The following FOXO1 variants were observed in gnomAD, a reference collection of about 807,000 sequenced individuals.
FOXO1 encodes the protein forkhead box O1.
A neutral mutation model predicts 44.1 loss-of-function variants in FOXO1; 6 were observed. The observed-to-expected ratio is 0.14, with a 90% CI of 0.07 to 0.27. The LOEUF is 0.27. FOXO1 is among the 10% of genes least tolerant of loss of function. The probability of loss-of-function intolerance (pLI) is 1.00; values close to 1 mark genes in which losing one functional copy is unlikely to be tolerated. For missense variants in FOXO1, 737 were observed against 888.8 expected, an observed-to-expected ratio of 0.83 and a Z score of 2.17; for synonymous variants, 380 against 362.7, an observed-to-expected ratio of 1.05 and a Z score of -0.54.
intron 1 of FOXO1, among the ~76,000 whole-genome samples, chr13:40,665,049 C>T (rs1878178722): frequency 6.6e-6 from 1 of 151,910 alleles, no homozygotes; most frequent in Admixed American, 6.6e-5. Context: ...GCAGGCCCTG[C>T]ACCGTCCCCG....
At chr13:40,613,999 G>A (rs1876326628) in intron 1 of FOXO1, among the ~76,000 whole-genome samples, 1 of 152,172 alleles carries the variant, frequency 6.6e-6, no homozygotes, top group Admixed American at 6.5e-5. Context: ...TTTAACTACT[G>A]GCAGTTGCCT....
chr13:40,649,879 T>C (rs1011068456), intron 1 of FOXO1, among the ~76,000 whole-genome samples: 7 of 152,088 alleles, frequency 4.6e-5, no homozygotes, highest in Non-Finnish European at 7.4e-5. Flanking sequence ...CACCAAAGAA[T>C]GCAATGGCAC....
chr13:40,593,628 A>G (rs1351760986), intron 1 of FOXO1, among the ~76,000 whole-genome samples: 1 of 152,122 alleles, frequency 6.6e-6, no homozygotes, highest in Non-Finnish European at 1.5e-5. Context: ...ATACCAACCT[A>G]TGGCTTAGTT....
intron 1 of FOXO1, among the ~76,000 whole-genome samples, chr13:40,564,189 T>C (rs1452359329): frequency 1.3e-5 from 2 of 152,140 alleles, no homozygotes; most frequent in African/African-American, 4.8e-5. Flanking sequence ...GGGGGTCATT[T>C]TTAAAAAGAC....
chr13:40,626,520 T>C (rs537117661), intron 1 of FOXO1, among the ~76,000 whole-genome samples: 1 of 152,362 alleles, frequency 6.6e-6, no homozygotes, highest in Middle Eastern at 3.4e-3. Context: ...TTACTAAACA[T>C]GCCTAAATTT....
rs570340177 is a variant in FOXO1 at position 40,559,919 on chromosome 13, G to A, written c.1572C>T (p.His524=). The change falls in exon 2 of 3, where the codon CAC becomes CAT. Residue 524 remains histidine (H), a synonymous_variant. Transcript: ENST00000379561. ...NKMMNPSSHT[H]PGHAQQTSAV... is the part of the protein sequence containing the mutation. ...CAGATGTCTGCTGAGCATGTCCAGG[G>A]TGGGTATGGGAGCTGGGATTCATCA... The A allele has an allele frequency of 1.2e-6, 2 of 1,614,192 alleles. No individual in the cohort carries two copies. The highest frequency in any genetic ancestry group is 2.2e-5 in the East Asian group (1 of 44,878).
At chr13:40,631,384 G>A (rs1019070900) in intron 1 of FOXO1, among the ~76,000 whole-genome samples, 3 of 152,050 alleles carry the variant, frequency 2.0e-5, no homozygotes, top group Non-Finnish European at 4.4e-5. Context: ...AAATCTTTCC[G>A]ATCTTGGATT....
intron 1 of FOXO1, among the ~76,000 whole-genome samples, chr13:40,657,664 G>A (rs1445597009): frequency 2.6e-5 from 4 of 152,044 alleles, no homozygotes; most frequent in Admixed American, 6.6e-5. Context: ...CTGGTTCAAC[G>A]GCCAATACAG....
At chr13:40,601,273 G>T (rs1875806318) in intron 1 of FOXO1, among the ~76,000 whole-genome samples, 1 of 152,108 alleles carries the variant, frequency 6.6e-6, no homozygotes, top group Non-Finnish European at 1.5e-5. Context: ...TTTAACTTTG[G>T]ACTTAAAGGT....
chr13:40,575,483 T>C (rs567830546), intron 1 of FOXO1, among the ~76,000 whole-genome samples: 27 of 152,320 alleles, frequency 1.8e-4, no homozygotes, highest in African/African-American at 6.5e-4. Context: ...GTGTCAGTTA[T>C]TTTTATTGGG....
intron 1 of FOXO1, among the ~76,000 whole-genome samples, chr13:40,638,260 G>C (rs979405343): frequency 6.6e-6 from 1 of 152,040 alleles, no homozygotes; most frequent in Non-Finnish European, 1.5e-5. Context: ...GGATGCACTA[G>C]AAAAACATGT....
chr13:40,665,441 C>T (rs1312846044), intron 1 of FOXO1, 142 bp downstream of exon 1: 9 of 701,590 alleles, frequency 1.3e-5, no homozygotes, highest in Non-Finnish European at 1.8e-5. Flanking sequence ...GCGAGGCCAC[C>T]GCGACCACCG....
At chr13:40,591,883 T>C (rs1246417820) in intron 1 of FOXO1, among the ~76,000 whole-genome samples, 7 of 152,020 alleles carry the variant, frequency 4.6e-5, no homozygotes, top group Admixed American at 4.6e-4. Flanking sequence ...ATTTTTGCAT[T>C]CTTAGTAGAG....
chr13:40,568,611 T>C (rs976873753), intron 1 of FOXO1, among the ~76,000 whole-genome samples: 16 of 152,208 alleles, frequency 1.1e-4, no homozygotes, highest in Admixed American at 3.3e-4. Flanking sequence ...TGTAAATCAA[T>C]GTTAGAAAGT....
chr13:40,594,622 G>A (rs577442607), intron 1 of FOXO1, among the ~76,000 whole-genome samples: 6 of 152,342 alleles, frequency 3.9e-5, no homozygotes, highest in African/African-American at 1.2e-4. Context: ...GAAGGCAGGG[G>A]AGAAGGCGTC....
Position 40,560,998 on chromosome 13 carries a change from G to T in FOXO1, c.631-138C>A. On this transcript the variant is annotated intron_variant, in intron 1 of 2. Coordinates refer to ENST00000379561, the MANE Select transcript of FOXO1 (RefSeq NM_002015.4). This position sits in a 1 kb window ranked among gnomAD's most constrained non-coding sequence, Gnocchi z 5.1. ...GATTTCCATCTGAACAGTCCTAATG[G>T]CTCTGAAGCCACTACAAAAGATCTC... The T allele has an allele frequency of 2.7e-6, 2 of 747,310 alleles. No individual in the cohort carries two copies. The highest frequency in any genetic ancestry group is 2.1e-6 in the Non-Finnish European group (1 of 474,112). 46.3% of individuals were successfully genotyped at this position (747,310 alleles called of 1,614,324 possible).
chr13:40,635,985 G>A (rs554463322), intron 1 of FOXO1, among the ~76,000 whole-genome samples: 125 of 152,320 alleles, frequency 8.2e-4, no homozygotes, highest in African/African-American at 2.9e-3. Context: ...TGAGGCAGGC[G>A]GATCACCTGA....
intron 1 of FOXO1, among the ~76,000 whole-genome samples, chr13:40,590,341 A>C (rs565228545): frequency 6.6e-6 from 1 of 152,342 alleles, no homozygotes; most frequent in African/African-American, 2.4e-5. Flanking sequence ...CAAATGCCGC[A>C]AACAGAAACC....
chr13:40,619,513 A>G, intron 1 of FOXO1: 2 of 1,337,922 alleles, frequency 1.5e-6, no homozygotes, highest in East Asian at 4.6e-5. Context: ...AATCCACATA[A>G]ATCATGAAAA....
Sources: gnomAD v4.1 joint callset for allele counts (sites outside exome capture counted in the v4.1 genomes callset) on GRCh38, gnomAD v4.1.1 for gene constraint, Gnocchi (gnomAD v3.1) non-coding constraint, MANE v1.5 for transcripts, NCBI Gene and HGNC (gene_info 2026-07-23, HGNC 2026-07-21) for gene names.